The following MTMR10 variants were observed in gnomAD, a reference collection of about 807,000 sequenced individuals.
MTMR10 encodes myotubularin related protein 10.
A neutral mutation model predicts 88.1 loss-of-function variants in MTMR10; 56 were observed. That is an observed-to-expected ratio of 0.64 (90% CI 0.51 to 0.79). The LOEUF is 0.79. MTMR10 is among the 30% of genes least tolerant of loss of function. The pLI, the probability that MTMR10 is intolerant of heterozygous loss-of-function variation, is 0.00. For missense variants in MTMR10, 883 were observed against 924.7 expected, an observed-to-expected ratio of 0.95 and a Z score of 0.58; for synonymous variants, 380 against 340.9, an observed-to-expected ratio of 1.11 and a Z score of -1.26.
chr15:30,989,752 T>C (rs2031185580), intron 2 of MTMR10, among the ~76,000 whole-genome samples: 1 of 151,632 alleles, frequency 6.6e-6, no homozygotes, highest in Non-Finnish European at 1.5e-5. Flanking sequence ...CTGGCTAATT[T>C]TTTTTTGTAT....
chr15:30,955,462 G>T (rs932569642), intron 9 of MTMR10, among the ~76,000 whole-genome samples: 21 of 152,262 alleles, frequency 1.4e-4, no homozygotes, highest in Admixed American at 1.2e-3. Flanking sequence ...AGTAGAGGCG[G>T]GGTTTCACCA....
At chr15:30,923,665 G>A in the MTMR10 span, among the ~76,000 whole-genome samples, 4 of 152,328 alleles carry the variant, frequency 2.6e-5, no homozygotes, top group Admixed American at 6.5e-5. Flanking sequence ...CTCCCTCTCC[G>A]AGGCCAGGCT....
rs769166292 is a variant in MTMR10 at position 30,941,793 on chromosome 15, T to C, written c.2011A>G (p.Ser671Gly). 5.0e-6 allele frequency: 8 copies of C among 1,614,040 alleles called. No homozygotes were observed. The East Asian group carries it at 1.3e-4, about 27-fold the overall frequency. The change falls in exon 16 of 16, where the codon AGC (serine) becomes GGC (glycine). Residue 671 changes from serine to glycine, a missense_variant. Ser to Gly is a moderately conservative substitution (Grantham distance 56, BLOSUM62 0). This residue lies in a region of MTMR10 where 343 missense variants were observed against 323.2 expected (regional missense o/e 1.06). Transcript: ENST00000435680. ...AAGGCTGTGATGGAGCCACCCAGGC[T>C]GATCTGGGCCTCGGGAACCCAGCGG... Reference protein sequence around the residue: ...YFRWVPEAQISLGGSITAFHK... With the variant: ...YFRWVPEAQIGLGGSITAFHK...
chr15:30,955,263 T>C (rs1218296778), intron 9 of MTMR10, among the ~76,000 whole-genome samples: 1 of 152,108 alleles, frequency 6.6e-6, no homozygotes, highest in Non-Finnish European at 1.5e-5. Flanking sequence ...CAGAACAAAT[T>C]AGATCATTTC....
the MTMR10 span, chr15:30,925,962 G>C: frequency 6.2e-7 from 1 of 1,612,504 alleles, no homozygotes; most frequent in Non-Finnish European, 8.5e-7. Context: ...GCTTTCTCTT[G>C]TGGCACCCAG....
chr15:30,973,633 GAA>G (rs1269143134), intron 5 of MTMR10, among the ~76,000 whole-genome samples: 1 of 152,096 alleles, frequency 6.6e-6, no homozygotes, highest in African/African-American at 2.4e-5. Context: ...CTTCCTACTG[GAA>G]AGTCTGTGAC....
At chr15:30,929,862 A>ATC in the MTMR10 span, among the ~76,000 whole-genome samples, 10 of 60,342 alleles carry the variant, frequency 1.7e-4, 1 homozygote, top group African/African-American at 9.5e-4. Context: ...TATCATATAT[A>ATC]ATATATATAA....
intron 7 of MTMR10, 31 bp from the exon 8 acceptor site, chr15:30,959,152 C>A: frequency 1.3e-6 from 2 of 1,535,790 alleles, no homozygotes; most frequent in Non-Finnish European, 1.8e-6. Context: ...TATATGAGTG[C>A]TGTGCTAAAA....
chr15:30,955,649 G>T lies in MTMR10; in HGVS notation c.936-756C>A, dbSNP rs183073833. Among the ~76,000 whole-genome samples, 847 of 152,208 alleles carry T rather than the reference G, an allele frequency of 5.6e-3. 3 individuals are homozygous for T. Among genetic ancestry groups the T allele is most frequent in the Non-Finnish European group, 9.1e-3 (618 of 68,008 alleles). The stretch of plus-strand genomic sequence containing the variant: ...CTGGGAAACAGAAACACTGCCAAGG[G>T]GGGGGCGGGGCAGCACTGCATTTAG... On this transcript the variant is annotated intron_variant, in intron 9 of 15. Coordinates refer to ENST00000435680, the MANE Select transcript of MTMR10 (RefSeq NM_017762.3).
Position 30,962,712 on chromosome 15 carries a change from GA to G in MTMR10, c.566-1640del, listed in dbSNP as rs565903253. Among the ~76,000 whole-genome samples the G allele has an allele frequency of 1.2e-3, 178 of 152,278 alleles. 2 individuals are homozygous for G. Among genetic ancestry groups the G allele is most frequent in the African/African-American group, 4.2e-3 (173 of 41,578 alleles). On this transcript the variant is annotated intron_variant, in intron 6 of 15. Transcript: ENST00000435680. ...ATGTGCTAATGCCTGAGAGCAAAAA[GA>G]TGAATAAGATTTTATCTCTATCTTG... is the stretch of plus-strand genomic sequence containing the variant.
chr15:30,943,692 G>A, intron 14 of MTMR10: 5 of 985,282 alleles, frequency 5.1e-6, no homozygotes, highest in Non-Finnish European at 6.0e-6. Flanking sequence ...CTCTAGCCCG[G>A]ACTCTGGGCG....
chr15:30,929,574 AT>A, the MTMR10 span, among the ~76,000 whole-genome samples: 1 of 126,230 alleles, frequency 7.9e-6, no homozygotes, highest in African/African-American at 2.9e-5. Context: ...TCTTTATTAT[AT>A]TTATTATATT....
At chr15:30,991,132 G>A (rs2031292104) in intron 1 of MTMR10, 2 of 502,970 alleles carry the variant, frequency 4.0e-6, no homozygotes, top group Admixed American at 4.2e-5. Flanking sequence ...GCGGTCATAC[G>A]AGGGAGGGTC....
the MTMR10 span, chr15:30,925,398 C>A: frequency 9.2e-7 from 1 of 1,092,138 alleles, no homozygotes; most frequent in Non-Finnish European, 1.3e-6. Flanking sequence ...CTTTTAGACT[C>A]GGAATAATCT....
At chr15:30,930,439 G>T in the MTMR10 span, 2 of 1,371,750 alleles carry the variant, frequency 1.5e-6, no homozygotes, top group South Asian at 1.5e-5. Context: ...CATGTGCACT[G>T]AATTACATAT....
chr15:30,974,878 T>C, intron 4 of MTMR10, 53 bp downstream of exon 4: 1 of 1,234,370 alleles, frequency 8.1e-7, no homozygotes, highest in Non-Finnish European at 1.1e-6. Flanking sequence ...ACTTTTCAAA[T>C]AATACTTCCA....
At chr15:30,974,527 TTC>T (rs2029968709) in intron 4 of MTMR10, 71 bp from the exon 5 acceptor site, 1 of 1,298,880 alleles carries the variant, frequency 7.7e-7, no homozygotes, top group Non-Finnish European at 1.0e-6. Flanking sequence ...TTAATACAAA[TTC>T]TTAGTGAAAA....
intron 11 of MTMR10, among the ~76,000 whole-genome samples, chr15:30,952,357 A>G (rs1017471080): frequency 2.0e-5 from 3 of 152,170 alleles, no homozygotes; most frequent in South Asian, 2.1e-4. Context: ...AAAGGAGTAT[A>G]TTTTGTAATT....
At chr15:30,942,159 T>C in intron 15 of MTMR10, 87 bp from the exon 16 acceptor site, 1 of 1,421,642 alleles carries the variant, frequency 7.0e-7, no homozygotes, top group Non-Finnish European at 9.5e-7. Context: ...CTCAATACTA[T>C]GAAAAATTAA....
Sources: gnomAD v4.1 joint callset for allele counts (sites outside exome capture counted in the v4.1 genomes callset) on GRCh38, gnomAD v4.1.1 for gene constraint, gnomAD v4.1.1 regional missense constraint, MANE v1.5 for transcripts, NCBI Gene and HGNC (gene_info 2026-07-23, HGNC 2026-07-21) for gene names.